The following CARNMT1 variants were observed in gnomAD, a reference collection of about 807,000 sequenced individuals.
CARNMT1 encodes protein-L-histidine N-pros-methyltransferase CARNMT1.
CARNMT1 carries 28 observed loss-of-function variants against 49.6 expected under a neutral mutation model. That is an observed-to-expected ratio of 0.56 (90% confidence interval 0.42 to 0.77). The LOEUF is 0.77. Ranked by LOEUF, CARNMT1 falls within the 30% of genes least tolerant of loss-of-function variation. The pLI is 0.00. For synonymous variants in CARNMT1, 178 were observed against 175.0 expected (o/e 1.02, Z -0.13); for missense variants, 421 against 512.6 (o/e 0.82, Z 1.73).
intron 1 of CARNMT1, chr9:75,027,507 G>A (rs1822566015): frequency 1.0e-6 from 1 of 982,770 alleles, no homozygotes. Context: ...CGCCAAAGAG[G>A]GGTGGGTGGA....
intron 1 of CARNMT1, among the ~76,000 whole-genome samples, chr9:75,024,455 A>G (rs1337001092): frequency 6.6e-6 from 1 of 152,204 alleles, no homozygotes; most frequent in Non-Finnish European, 1.5e-5. Flanking sequence ...CGTTATTTCT[A>G]AAAGTAAGAA....
intron 6 of CARNMT1, chr9:74,991,356 T>C (rs773878673): frequency 6.6e-6 from 1 of 152,484 alleles, no homozygotes. Context: ...TTGGCCAGGA[T>C]GGTCTCAATT....
rs1832729316 is a variant in CARNMT1, at chr9:74,983,140, C to CT, written c.*626dup. On this transcript the variant is annotated 3_prime_UTR_variant, in exon 8 of 8. Coordinates refer to ENST00000376834, the MANE Select transcript of CARNMT1 (RefSeq NM_152420.3). ...CCTACAGTCCTAGCTACTCAGGAGG[C>CT]TAAGGCTAAGGCAGGAAGATCGCTT... 2 of 151,444 alleles carry CT rather than the reference C, an allele frequency of 1.3e-5. No homozygotes were observed. The highest frequency in any genetic ancestry group is 2.9e-5 in the Non-Finnish European group (2 of 67,962). The allele number at this position is 151,444 out of a possible 1,614,324, so 9.4% of individuals were successfully genotyped here. A position where few individuals can be genotyped will look rare whatever the true frequency, so the allele number is the denominator to read the frequency against.
chr9:75,003,386 C>T (rs1833417784), intron 3 of CARNMT1, among the ~76,000 whole-genome samples: 1 of 152,240 alleles, frequency 6.6e-6, no homozygotes, highest in African/African-American at 2.4e-5. Context: ...GGCTTGCAGG[C>T]CAGTCACCTG....
At position 74,982,780 on chromosome 9, in the gene CARNMT1, T is replaced by G. The variant is rs561189403; in HGVS notation, c.*987A>C. The G allele has an allele frequency of 6.6e-6, 1 of 152,322 alleles. No individual in the cohort carries two copies. Among genetic ancestry groups the G allele is most frequent in the Non-Finnish European group, 1.5e-5 (1 of 68,020 alleles). 9.4% of individuals were successfully genotyped at this position (152,322 alleles called of 1,614,324 possible). ...ATTCATTTAGAGTCTGAAAATCACA[T>G]ATTTCAAATGGGTAAATTTTATTCT... On this transcript the variant is annotated 3_prime_UTR_variant, in exon 8 of 8. Coordinates refer to ENST00000376834, the MANE Select transcript of CARNMT1 (RefSeq NM_152420.3).
intron 3 of CARNMT1, among the ~76,000 whole-genome samples, chr9:75,004,223 T>A (rs1167019975): frequency 6.6e-6 from 1 of 152,272 alleles, no homozygotes; most frequent in Non-Finnish European, 1.5e-5. Context: ...TTCTACATAA[T>A]TTTTTGCTAA....
intron 6 of CARNMT1, among the ~76,000 whole-genome samples, chr9:74,992,717 A>G (rs1280755988): frequency 6.6e-6 from 1 of 152,196 alleles, no homozygotes; most frequent in Non-Finnish European, 1.5e-5. Context: ...TAATTAAAGC[A>G]TTTGTAAATT....
intron 1 of CARNMT1, among the ~76,000 whole-genome samples, chr9:75,026,317 C>G (rs1247615791): frequency 6.6e-6 from 1 of 152,134 alleles, no homozygotes; most frequent in African/African-American, 2.4e-5. Flanking sequence ...CCCATACTTA[C>G]CCATAAATAT....
chr9:75,008,295 T>C (rs1234203512), intron 3 of CARNMT1, among the ~76,000 whole-genome samples: 1 of 152,144 alleles, frequency 6.6e-6, no homozygotes, highest in Non-Finnish European at 1.5e-5. Flanking sequence ...TTGGACAAGT[T>C]TGATTTAAAA....
intron 3 of CARNMT1, among the ~76,000 whole-genome samples, chr9:75,007,205 A>G (rs1833536074): frequency 6.6e-6 from 1 of 152,216 alleles, no homozygotes; most frequent in Non-Finnish European, 1.5e-5. Context: ...TACCAGCTAG[A>G]AACTTTAAGA....
At chr9:74,997,659 C>T (rs1318195610) in intron 5 of CARNMT1, among the ~76,000 whole-genome samples, 3 of 152,056 alleles carry the variant, frequency 2.0e-5, no homozygotes, top group African/African-American at 7.2e-5. Flanking sequence ...TGTACTCTTT[C>T]AAGGTTCTCT....
intron 3 of CARNMT1, among the ~76,000 whole-genome samples, chr9:75,004,562 A>G (rs2118813490): frequency 6.6e-6 from 1 of 152,312 alleles, no homozygotes. Context: ...TCTCTGAACT[A>G]CCACCTGCAC....
intron 3 of CARNMT1, among the ~76,000 whole-genome samples, chr9:75,013,992 A>AG (rs1447940983): frequency 4.9e-5 from 7 of 142,094 alleles, no homozygotes; most frequent in Non-Finnish European, 7.7e-5. Flanking sequence ...AGAGAGAGAG[A>AG]AAAAAAAAAA....
At chr9:74,986,702 C>A (rs1192023924) in intron 6 of CARNMT1, among the ~76,000 whole-genome samples, 1 of 152,124 alleles carries the variant, frequency 6.6e-6, no homozygotes, top group Non-Finnish European at 1.5e-5. Flanking sequence ...AAGCTCCAAC[C>A]CTCCAACTCA....
chr9:75,026,127 AG>A (rs1309110747), intron 1 of CARNMT1, among the ~76,000 whole-genome samples: 2 of 152,192 alleles, frequency 1.3e-5, no homozygotes, highest in Admixed American at 6.5e-5. Flanking sequence ...GTTTCAAGAG[AG>A]TATATACAAA....
chr9:74,993,230 C>A (rs1202822265), intron 6 of CARNMT1, among the ~76,000 whole-genome samples: 2 of 152,074 alleles, frequency 1.3e-5, no homozygotes, highest in East Asian at 3.9e-4. Context: ...TCTCTTAGAA[C>A]ATAAGAAATA....
chr9:75,017,489 C>T, intron 1 of CARNMT1, 41 bp from the exon 2 acceptor site: 3 of 1,548,520 alleles, frequency 1.9e-6, no homozygotes, highest in Non-Finnish European at 2.7e-6. Context: ...CAAAAGAATT[C>T]TCACCAGAGG....
At chr9:75,014,553 A>G (rs1833789594) in intron 3 of CARNMT1, among the ~76,000 whole-genome samples, 1 of 152,148 alleles carries the variant, frequency 6.6e-6, no homozygotes. Flanking sequence ...GAGGGAGGGA[A>G]GACGGAAGAG....
At chr9:75,012,488 T>C (rs2118843294) in intron 3 of CARNMT1, among the ~76,000 whole-genome samples, 1 of 152,150 alleles carries the variant, frequency 6.6e-6, no homozygotes, top group African/African-American at 2.4e-5. Flanking sequence ...GGTTTCGCCA[T>C]GTTAGCCAGG....
Sources: gnomAD v4.1 joint callset for allele counts (sites outside exome capture counted in the v4.1 genomes callset) on GRCh38, gnomAD v4.1.1 for gene constraint, MANE v1.5 for transcripts, NCBI Gene and HGNC (gene_info 2026-07-23, HGNC 2026-07-21) for gene names.